IFITM10: variants seen among roughly 807,000 people sequenced by gnomAD.
IFITM10 encodes the protein interferon-induced transmembrane protein 10.
IFITM10 carries 17 observed loss-of-function variants against 19.0 expected under a neutral mutation model. That is an observed-to-expected ratio of 0.90 (90% CI 0.61 to 1.34). IFITM10 has a LOEUF of 1.34. Ranked by LOEUF, IFITM10 falls within the 40% of genes most tolerant of loss-of-function variation. IFITM10 has a pLI of 0.00. For synonymous variants in IFITM10, 148 were observed against 147.2 expected, an observed-to-expected ratio of 1.01 and a Z score of -0.04; for missense variants, 306 against 319.8, an observed-to-expected ratio of 0.96 and a Z score of 0.33.
chr11:1,735,369 G>C lies in IFITM10; in HGVS notation c.598C>G (p.Arg200Gly). ...GCAGAACTGGTGATGTTGAACAGCC[G>C]GGCCGTCTTTGCATCCTCCACGGCT... The part of the protein sequence containing the change: ...NGAVEDAKTA[R>G]LFNITSSALA... The change falls in exon 3 of 3, where the codon CGG becomes GGG. Residue 200 changes from arginine (R) to glycine (G), a missense_variant. Coordinates refer to ENST00000340134, the MANE Select transcript of IFITM10 (RefSeq NM_001170820.4). The C allele has an allele frequency of 6.4e-7, 1 of 1,551,714 alleles. No individual in the cohort carries two copies. Among genetic ancestry groups the C allele is most frequent in the East Asian group, 2.4e-5 (1 of 40,920 alleles).
intron 2 of IFITM10, among the ~76,000 whole-genome samples, chr11:1,738,949 G>A (rs1479222168): frequency 6.6e-6 from 1 of 151,386 alleles, no homozygotes; most frequent in Non-Finnish European, 1.5e-5. Flanking sequence ...AGCTACTTGG[G>A]AGGCTGAGGC....
At chr11:1,742,996 T>TGGATGGAG (rs548845660) in intron 2 of IFITM10, among the ~76,000 whole-genome samples, 26 of 116,788 alleles carry the variant, frequency 2.2e-4, no homozygotes, top group African/African-American at 8.5e-4. Flanking sequence ...GACATATGGA[T>TGGATGGAG]GGATGAAAGA....
intron 1 of IFITM10, chr11:1,749,033 C>T: frequency 9.2e-7 from 1 of 1,091,682 alleles, no homozygotes; most frequent in Non-Finnish European, 1.1e-6. Context: ...GACTCCTCGG[C>T]GCGCGGCCGG....
chr11:1,738,925 G>A (rs768893038), intron 2 of IFITM10, among the ~76,000 whole-genome samples: 1 of 151,876 alleles, frequency 6.6e-6, no homozygotes, highest in African/African-American at 2.4e-5. Flanking sequence ...GCAGGGGCAG[G>A]CACCTGTAAT....
chr11:1,749,125 A>G (rs1408300555), intron 1 of IFITM10: 6 of 1,041,806 alleles, frequency 5.8e-6, no homozygotes, highest in Non-Finnish European at 7.0e-6. Flanking sequence ...CAGCGGCCCA[A>G]CCTTGAGGGG....
intron 2 of IFITM10, among the ~76,000 whole-genome samples, chr11:1,743,954 A>G (rs573108267): frequency 2.0e-5 from 3 of 152,146 alleles, no homozygotes; most frequent in Non-Finnish European, 2.9e-5. Context: ...GCACTCTTCC[A>G]GGAATGTCTT....
chr11:1,740,299 C>CAAAAAAAAAAAAAAAAAAAA (rs58480346), intron 2 of IFITM10, among the ~76,000 whole-genome samples: 1 of 41,030 alleles, frequency 2.4e-5, no homozygotes, highest in Non-Finnish European at 4.6e-5. Context: ...GACTCCATCT[C>CAAAAAAAAAAAAAAAAAAAA]AAAAAAAAAA....
chr11:1,750,060 A>G (rs892335228), intron 1 of IFITM10, among the ~76,000 whole-genome samples: 2 of 151,498 alleles, frequency 1.3e-5, no homozygotes, highest in Non-Finnish European at 2.9e-5. Flanking sequence ...AGGCTGGTTT[A>G]CTCACCTGCC....
At chr11:1,749,144 C>T (rs1435242830) in intron 1 of IFITM10, 2 of 983,140 alleles carry the variant, frequency 2.0e-6, no homozygotes, top group Non-Finnish European at 2.4e-6. Flanking sequence ...GGGTGGGGAG[C>T]GCGCGGGGCT....
In IFITM10 at chr11:1,750,460, C is replaced by T. The variant is rs903730583; in HGVS notation, c.-18G>A. 2.6e-5 allele frequency: 41 copies of T among 1,550,352 alleles called. No homozygotes were observed. Among genetic ancestry groups the T allele is most frequent in the African/African-American group, 1.8e-4 (13 of 73,002 alleles). On this transcript the variant is annotated 5_prime_UTR_variant, in exon 1 of 3. Transcript: ENST00000340134. Reference sequence around the variant, plus strand: ...TCCCTCATCTCTCTCCAAGCCCCATCCTCCCATGAAACTCCTTTCTCCTCT... The same window carrying T: ...TCCCTCATCTCTCTCCAAGCCCCATTCTCCCATGAAACTCCTTTCTCCTCT...
At chr11:1,748,712 C>A (rs1308396463) in intron 1 of IFITM10, 1 of 152,320 alleles carries the variant, frequency 6.6e-6, no homozygotes, top group Non-Finnish European at 1.5e-5. Context: ...GGCTCAGCCA[C>A]GAGCACCAAG....
At chr11:1,750,253 G>T in intron 1 of IFITM10, 106 bp downstream of exon 1, 1 of 1,523,812 alleles carries the variant, frequency 6.6e-7, no homozygotes. Context: ...CCCCATAACA[G>T]TCCCCATGAG....
At position 1,734,974 on chromosome 11, in the gene IFITM10, G is replaced by T. The variant is rs187324324; in HGVS notation, c.*306C>A. Reference sequence around the variant, plus strand: ...CCAAGGGGCCCCAGGAGCCTGGGAAGGGGCACGTGAGGGCAGGGACACAGA... The same window carrying T: ...CCAAGGGGCCCCAGGAGCCTGGGAATGGGCACGTGAGGGCAGGGACACAGA... On this transcript the variant is annotated 3_prime_UTR_variant, in exon 3 of 3. Coordinates refer to ENST00000340134, the MANE Select transcript of IFITM10 (RefSeq NM_001170820.4). The T allele has an allele frequency of 1.3e-5, 5 of 396,282 alleles. No individual in the cohort carries two copies. In the East Asian group the frequency reaches 2.1e-4, roughly 17 times the overall value. The allele number at this position is 396,282 out of a possible 1,614,324, so 24.5% of individuals were successfully genotyped here.
chr11:1,745,919 C>A (rs1268235623), intron 2 of IFITM10: 4 of 146,720 alleles, frequency 2.7e-5, no homozygotes, highest in Non-Finnish European at 6.0e-5. Flanking sequence ...AGTACACAGG[C>A]ACACCCCACA....
At chr11:1,744,163 T>C (rs1212304571) in intron 2 of IFITM10, among the ~76,000 whole-genome samples, 2 of 152,216 alleles carry the variant, frequency 1.3e-5, no homozygotes, top group Non-Finnish European at 2.9e-5. Flanking sequence ...TGAAACACTG[T>C]GGTGCTTCTT....
Position 1,747,659 on chromosome 11 carries a change from G to A in IFITM10, c.537+8C>T, listed in dbSNP as rs1169590857. 3 of 1,551,434 alleles carry A rather than the reference G, an allele frequency of 1.9e-6. No homozygotes were observed. Among genetic ancestry groups the A allele is most frequent in the Non-Finnish European group, 2.6e-6 (3 of 1,146,802 alleles). ...CCGCCCTTGCCCCCTGCCACCGCCC[G>A]GGCTCACTTTGAGGGAGTAGGCCAA... On this transcript the variant is annotated splice_region_variant and intron_variant, in intron 2 of 2. Transcript: ENST00000340134.
chr11:1,740,729 G>C (rs1845558466), intron 2 of IFITM10, among the ~76,000 whole-genome samples: 1 of 152,130 alleles, frequency 6.6e-6, no homozygotes, highest in South Asian at 2.1e-4. Flanking sequence ...GCAAAAAGAT[G>C]GTATTTAAAA....
chr11:1,741,301 G>A (rs1027167052), intron 2 of IFITM10, among the ~76,000 whole-genome samples: 1 of 151,798 alleles, frequency 6.6e-6, no homozygotes, highest in Non-Finnish European at 1.5e-5. Flanking sequence ...AGAAGAGTGG[G>A]CCAAGAAGCA....
At chr11:1,747,156 C>T (rs1424013307) in intron 2 of IFITM10, among the ~76,000 whole-genome samples, 7 of 152,140 alleles carry the variant, frequency 4.6e-5, no homozygotes, top group Admixed American at 3.3e-4. Context: ...CTGGTCTCCA[C>T]GCAGGGCTTG....
Sources: gnomAD v4.1 joint callset for allele counts (sites outside exome capture counted in the v4.1 genomes callset) on GRCh38, gnomAD v4.1.1 for gene constraint, MANE v1.5 for transcripts, NCBI Gene and HGNC (gene_info 2026-07-23, HGNC 2026-07-21) for gene names.